PPP1R1C: variants seen among roughly 807,000 people sequenced by gnomAD.
PPP1R1C encodes the protein protein phosphatase 1 regulatory inhibitor subunit 1C, also known as protein phosphatase 1 regulatory subunit 1C.
In PPP1R1C, 15 loss-of-function variants were observed where a neutral mutation model predicts 17.4. The ratio of observed to expected loss-of-function variants is 0.86; its 90% CI spans 0.58 to 1.33. The LOEUF is 1.33. PPP1R1C is among the 40% of genes most tolerant of loss of function. The probability of loss-of-function intolerance (pLI) is 0.00; values close to 1 mark genes in which losing one functional copy is unlikely to be tolerated. For missense variants in PPP1R1C, 143 were observed against 130.0 expected, an observed-to-expected ratio of 1.10 and a Z score of -0.48; for synonymous variants, 35 against 43.1, an observed-to-expected ratio of 0.81 and a Z score of 0.73.
chr2:182,024,014 A>G (rs1046745406), intron 2 of PPP1R1C: 1 of 152,206 alleles, frequency 6.6e-6, no homozygotes, highest in Admixed American at 6.5e-5. Context: ...TAAATTACAG[A>G]ATATGGTAGG....
At chr2:182,086,772 A>G (rs1051564548) in intron 4 of PPP1R1C, among the ~76,000 whole-genome samples, 2 of 152,172 alleles carry the variant, frequency 1.3e-5, no homozygotes, top group Non-Finnish European at 2.9e-5. Context: ...TGTATCCCTG[A>G]TATGAAACAT....
chr2:182,068,422 C>T (rs1340923028), intron 4 of PPP1R1C, among the ~76,000 whole-genome samples: 1 of 152,104 alleles, frequency 6.6e-6, no homozygotes, highest in East Asian at 1.9e-4. Flanking sequence ...AAAGGACTTC[C>T]AGGAGAATAA....
intron 4 of PPP1R1C, among the ~76,000 whole-genome samples, chr2:182,064,945 T>C (rs529884495): frequency 5.3e-4 from 80 of 152,244 alleles, no homozygotes; most frequent in African/African-American, 1.8e-3. Context: ...TATTTTAGGT[T>C]CACTTAAACT....
intron 1 of PPP1R1C, among the ~76,000 whole-genome samples, chr2:181,968,416 G>T (rs1043991707): frequency 6.6e-6 from 1 of 152,066 alleles, no homozygotes; most frequent in Non-Finnish European, 1.5e-5. Context: ...ATATCCTCTT[G>T]CTAAAATGGA....
Position 181,962,094 on chromosome 2 carries a change from A to G in PPP1R1C, n.111+7460A>G, listed in dbSNP as rs184217826. On this transcript the variant is annotated intron_variant and non_coding_transcript_variant, in intron 1 of 5. Coordinates refer to the PPP1R1C transcript ENST00000464264. The surrounding 1 kb of genome is among the most constrained non-coding windows in gnomAD (Gnocchi z 6.0). ...CTCAGGTCCTCGATGGTCTTGAGGT[A>G]ATGACTCCAGTCTCTGACCTGGAGT... The G allele has an allele frequency of 2.4e-3, 1,765 of 721,018 alleles. 7 individuals carry two copies. The highest frequency in any genetic ancestry group is 2.8e-3 in the Non-Finnish European group (1,097 of 390,622). 44.7% of individuals were successfully genotyped at this position (721,018 alleles called of 1,614,324 possible). A position where few individuals can be genotyped will look rare whatever the true frequency, so the allele number is the denominator to read the frequency against.
At chr2:182,058,327 A>G (rs994604323) in intron 2 of PPP1R1C, among the ~76,000 whole-genome samples, 1 of 152,062 alleles carries the variant, frequency 6.6e-6, no homozygotes, top group Admixed American at 6.6e-5. Flanking sequence ...TCTCATGACT[A>G]GACTAGGCTT....
At chr2:182,080,442 G>T (rs924231200) in intron 4 of PPP1R1C, among the ~76,000 whole-genome samples, 2 of 152,176 alleles carry the variant, frequency 1.3e-5, no homozygotes, top group African/African-American at 4.8e-5. Flanking sequence ...CTGTAGAGTG[G>T]ATCTTGAGAG....
chr2:182,120,579 T>C (rs1223999513), downstream of PPP1R1C, among the ~76,000 whole-genome samples: 1 of 152,244 alleles, frequency 6.6e-6, no homozygotes, highest in Non-Finnish European at 1.5e-5. Flanking sequence ...TCTCTCTACT[T>C]AAAACCTGAT....
intron 4 of PPP1R1C, among the ~76,000 whole-genome samples, chr2:182,069,726 AAATT>A (rs548824014): frequency 3.2e-4 from 49 of 152,334 alleles, no homozygotes; most frequent in African/African-American, 8.4e-4. Context: ...ACCTATTTTA[AAATT>A]AATTAATCTT....
intron 1 of PPP1R1C, among the ~76,000 whole-genome samples, chr2:181,972,424 A>G (rs1685026542): frequency 6.6e-6 from 1 of 152,118 alleles, no homozygotes; most frequent in African/African-American, 2.4e-5. Flanking sequence ...GTTTCTTTGG[A>G]GGTGTATGTG....
chr2:182,124,006 A>C (rs1689803076), intron 5 of PPP1R1C, among the ~76,000 whole-genome samples: 1 of 152,176 alleles, frequency 6.6e-6, no homozygotes, highest in Non-Finnish European at 1.5e-5. Context: ...TTAAATCTTT[A>C]ATCCATCTTC....
chr2:182,008,090 A>AAT (rs778063779), intron 2 of PPP1R1C, among the ~76,000 whole-genome samples: 126 of 129,150 alleles, frequency 9.8e-4, no homozygotes, highest in African/African-American at 2.2e-3. Context: ...CAAATAAATA[A>AAT]AAAAATAAAA....
At chr2:182,124,314 G>GT (rs796745919) in intron 5 of PPP1R1C, among the ~76,000 whole-genome samples, 141 of 42,030 alleles carry the variant, frequency 3.4e-3, no homozygotes, top group Middle Eastern at 0.017. Flanking sequence ...GTTTTTTTTT[G>GT]TTTTTTTTTT....
At chr2:182,077,344 T>A (rs1688344677) in intron 4 of PPP1R1C, among the ~76,000 whole-genome samples, 2 of 152,188 alleles carry the variant, frequency 1.3e-5, no homozygotes, top group Admixed American at 1.3e-4. Flanking sequence ...TTTATGTGAA[T>A]CGACTTTAAT....
In PPP1R1C at chr2:182,053,056, CACAAA is replaced by C. The variant is rs1158270355; in HGVS notation, c.143-8379_143-8375del. ...GGAACCAAGAAAAACAGGCTTAGTA[CACAAA>C]ACAAAAGTGTATGTTTTTAAAAGAA... On this transcript the variant is annotated intron_variant, in intron 2 of 4. Transcript: ENST00000682840. Among the ~76,000 whole-genome samples, 3 of 152,290 alleles carry C rather than the reference CACAAA, an allele frequency of 2.0e-5. No homozygotes were observed. The East Asian group carries it at 5.8e-4, about 29-fold the overall frequency.
chr2:182,032,108 C>T (rs1686860451), intron 2 of PPP1R1C, among the ~76,000 whole-genome samples: 1 of 152,086 alleles, frequency 6.6e-6, no homozygotes, highest in Admixed American at 6.5e-5. Flanking sequence ...TGTAATACAC[C>T]AACAAATCAT....
chr2:182,012,371 C>G (rs576468832), intron 2 of PPP1R1C, among the ~76,000 whole-genome samples: 1 of 152,050 alleles, frequency 6.6e-6, no homozygotes, highest in East Asian at 1.9e-4. Flanking sequence ...CTCTTTGTCT[C>G]TTCTTATAGT....
chr2:181,963,454 C>G (rs1196167933), intron 1 of PPP1R1C, among the ~76,000 whole-genome samples: 1 of 152,164 alleles, frequency 6.6e-6, no homozygotes. Flanking sequence ...GCCTGGCCAA[C>G]ATGGTGAAAC....
intron 2 of PPP1R1C, among the ~76,000 whole-genome samples, chr2:182,015,726 G>T (rs1047838904): frequency 6.6e-6 from 1 of 152,162 alleles, no homozygotes; most frequent in Non-Finnish European, 1.5e-5. Flanking sequence ...GGCCTGGAAT[G>T]GGGGGTCTTA....
Sources: allele counts gnomAD v4.1 joint callset (sites outside exome capture counted in the v4.1 genomes callset), GRCh38; gene constraint gnomAD v4.1.1; non-coding constraint Gnocchi (gnomAD v3.1); transcripts MANE v1.5; gene names NCBI Gene and HGNC (gene_info 2026-07-23, HGNC 2026-07-21).